The following LPAR1 variants were observed in gnomAD, a reference collection of about 807,000 sequenced individuals.
LPAR1 encodes LPA receptor 1.
A neutral mutation model predicts 23.8 loss-of-function variants in LPAR1; 5 were observed. The ratio of observed to expected loss-of-function variants is 0.21; its 90% CI spans 0.11 to 0.44. The LOEUF (loss-of-function observed/expected upper bound fraction) is 0.44, where lower values mean the gene tolerates loss of function less well. Ranked by LOEUF, LPAR1 falls within the 20% of genes least tolerant of loss-of-function variation. LPAR1 has a pLI of 0.99. For synonymous variants in LPAR1, 160 were observed against 164.7 expected (o/e 0.97, Z 0.22); for missense variants, 311 against 482.8 (o/e 0.64, Z 3.33).
chr9:110,916,726 A>G (rs1588303189), intron 5 of LPAR1, among the ~76,000 whole-genome samples: 1 of 152,212 alleles, frequency 6.6e-6, no homozygotes, highest in East Asian at 1.9e-4. Context: ...TTCTCTAGAG[A>G]ATGCTAATTA....
rs540638286 is a variant in LPAR1, at chr9:110,913,566, A to C, written c.793+27855T>G. On this transcript the variant is annotated intron_variant, in intron 5 of 5. Coordinates refer to ENST00000683809, the MANE Select transcript of LPAR1 (RefSeq NM_001351411.2). The stretch of plus-strand genomic sequence containing the variant: ...TTCATTTTAATAAGTATATATATAT[A>C]TATCCATTTTTAGCTTTAGATATTA... Among the ~76,000 whole-genome samples, 9 of 146,798 alleles carry C rather than the reference A, an allele frequency of 6.1e-5. No homozygotes were observed. In the South Asian group the frequency reaches 1.5e-3, roughly 25 times the overall value.
In LPAR1 at chr9:111,026,433, C is replaced by T. The variant is rs576100975; in HGVS notation, c.-182+9689G>A. On this transcript the variant is annotated intron_variant, in intron 2 of 5. Transcript: ENST00000683809. ...CAGCTTAAGGAGATTTTGGCTGAGA[C>T]GACAGGGTTTTCTAAATATACAATC... 3.9e-5 allele frequency among the ~76,000 whole-genome samples: 6 copies of T among 152,260 alleles called. No homozygotes were observed. The South Asian group carries it at 6.2e-4, about 16-fold the overall frequency.
intron 4 of LPAR1, among the ~76,000 whole-genome samples, chr9:110,971,645 TAGG>T (rs1359213006): frequency 6.6e-6 from 1 of 152,158 alleles, no homozygotes; most frequent in East Asian, 1.9e-4. Context: ...AGAGTAAGTA[TAGG>T]AGGAGGACAA....
intron 2 of LPAR1, among the ~76,000 whole-genome samples, chr9:110,980,398 C>G (rs2096642919): frequency 6.6e-6 from 1 of 151,892 alleles, no homozygotes; most frequent in African/African-American, 2.4e-5. Flanking sequence ...AGGAAGCAAG[C>G]AAGGACTCCT....
At chr9:110,974,520 G>A (rs1410645714) in intron 2 of LPAR1, among the ~76,000 whole-genome samples, 1 of 152,136 alleles carries the variant, frequency 6.6e-6, no homozygotes, top group Non-Finnish European at 1.5e-5. Context: ...CTACATTTTT[G>A]TGCAGCATCC....
intron 2 of LPAR1, among the ~76,000 whole-genome samples, chr9:111,011,658 C>G (rs1396499308): frequency 2.0e-5 from 3 of 152,122 alleles, no homozygotes; most frequent in Non-Finnish European, 4.4e-5. Context: ...GAGAACACGA[C>G]AGCTGATTTA....
intron 2 of LPAR1, among the ~76,000 whole-genome samples, chr9:111,003,885 A>G (rs1588800378): frequency 6.6e-6 from 1 of 152,200 alleles, no homozygotes; most frequent in East Asian, 1.9e-4. Context: ...TTGGGCTCAG[A>G]ATTCATAACT....
intron 2 of LPAR1, among the ~76,000 whole-genome samples, chr9:111,032,922 G>C (rs1332542191): frequency 6.6e-6 from 1 of 152,058 alleles, no homozygotes; most frequent in Non-Finnish European, 1.5e-5. Flanking sequence ...TTCTTTTAGA[G>C]AAAAATGCTG....
At chr9:110,922,235 A>G in intron 5 of LPAR1, among the ~76,000 whole-genome samples, 1 of 152,160 alleles carries the variant, frequency 6.6e-6, no homozygotes, top group Non-Finnish European at 1.5e-5. Flanking sequence ...GCTACTAGAT[A>G]TTTTTAATTT....
At chr9:111,031,088 C>G (rs1037576175) in intron 2 of LPAR1, among the ~76,000 whole-genome samples, 1 of 152,030 alleles carries the variant, frequency 6.6e-6, no homozygotes, top group African/African-American at 2.4e-5. Context: ...GAGATTTTTA[C>G]ATTTACTTTA....
intron 5 of LPAR1, among the ~76,000 whole-genome samples, chr9:110,916,240 C>G (rs1386385420): frequency 6.6e-6 from 1 of 152,058 alleles, no homozygotes; most frequent in African/African-American, 2.4e-5. Context: ...CTGTATTTTA[C>G]AAATGAGGAA....
At chr9:111,009,032 C>T (rs1315614664) in intron 2 of LPAR1, among the ~76,000 whole-genome samples, 1 of 151,982 alleles carries the variant, frequency 6.6e-6, no homozygotes, top group East Asian at 1.9e-4. Context: ...TCGAAGCAGA[C>T]TTACAAAGTC....
chr9:111,015,356 T>C (rs567159828), intron 2 of LPAR1, among the ~76,000 whole-genome samples: 1 of 152,278 alleles, frequency 6.6e-6, no homozygotes, highest in Admixed American at 6.5e-5. Flanking sequence ...AATAGCCAAG[T>C]TGCATCAATT....
chr9:110,908,616 G>C (rs564888136), intron 5 of LPAR1, among the ~76,000 whole-genome samples: 1 of 152,158 alleles, frequency 6.6e-6, no homozygotes, highest in African/African-American at 2.4e-5. Context: ...TAAGCACTGT[G>C]AGGAAGTACC....
At position 110,944,643 on chromosome 9, in the gene LPAR1, C is replaced by T. The variant is rs182672908; in HGVS notation, c.46-2475G>A. On this transcript the variant is annotated intron_variant, in intron 4 of 5. Coordinates refer to ENST00000683809, the MANE Select transcript of LPAR1 (RefSeq NM_001351411.2). The stretch of plus-strand genomic sequence containing the variant: ...TCTTAGCCCTTCCCACAGAGAAAAA[C>T]GATAAAGTTAAGGATGGCAAAATTA... Among the ~76,000 whole-genome samples the T allele has an allele frequency of 3.7e-4, 56 of 152,066 alleles. 1 individual carries two copies. The highest frequency in any genetic ancestry group is 2.9e-3 in the Admixed American group (44 of 15,282).
chr9:110,944,591 C>T (rs1216745084), intron 4 of LPAR1, among the ~76,000 whole-genome samples: 2 of 152,036 alleles, frequency 1.3e-5, no homozygotes, highest in Non-Finnish European at 2.9e-5. Context: ...CAAGTAGCAA[C>T]AAAGTTAAGC....
intron 2 of LPAR1, among the ~76,000 whole-genome samples, chr9:110,988,801 T>C (rs1272750080): frequency 6.6e-6 from 1 of 152,118 alleles, no homozygotes; most frequent in Non-Finnish European, 1.5e-5. Flanking sequence ...CCAAAAGAAC[T>C]GAAAATATAT....
At chr9:110,922,207 C>T (rs1046407702) in intron 5 of LPAR1, among the ~76,000 whole-genome samples, 36 of 152,254 alleles carry the variant, frequency 2.4e-4, no homozygotes, top group Non-Finnish European at 4.9e-4. Flanking sequence ...TGGGGTGCCA[C>T]AGTGAATTCA....
At chr9:110,898,592 C>T (rs1346201071) in intron 5 of LPAR1, among the ~76,000 whole-genome samples, 2 of 152,142 alleles carry the variant, frequency 1.3e-5, no homozygotes, top group African/African-American at 2.4e-5. Flanking sequence ...TTACAGCACA[C>T]GTTCACGAGA....
Sources: gnomAD v4.1 joint callset for allele counts (sites outside exome capture counted in the v4.1 genomes callset) on GRCh38, gnomAD v4.1.1 for gene constraint, MANE v1.5 for transcripts, NCBI Gene and HGNC (gene_info 2026-07-23, HGNC 2026-07-21) for gene names.